Variants in CSN3 observed in about 807,000 individuals in gnomAD.
The protein encoded by CSN3 is casein kappa.
A neutral mutation model predicts 9.9 loss-of-function variants in CSN3; 7 were observed. That is an observed-to-expected ratio of 0.71 (90% CI 0.40 to 1.33). The LOEUF (loss-of-function observed/expected upper bound fraction) is 1.33, where lower values mean the gene tolerates loss of function less well. CSN3 is among the 40% of genes most tolerant of loss of function. The pLI is 0.01. For synonymous variants in CSN3, 88 were observed against 82.3 expected, an observed-to-expected ratio of 1.07 and a Z score of -0.37; for missense variants, 253 against 227.9, an observed-to-expected ratio of 1.11 and a Z score of -0.71.
intron 2 of CSN3, among the ~76,000 whole-genome samples, chr4:70,245,951 T>A (rs1481786536): frequency 1.3e-5 from 2 of 152,154 alleles, no homozygotes; most frequent in African/African-American, 4.8e-5. Context: ...CATGAAATGA[T>A]CTACAAATCC....
chr4:70,239,863 T>A (rs1730237155), upstream of CSN3, among the ~76,000 whole-genome samples: 1 of 152,034 alleles, frequency 6.6e-6, no homozygotes, highest in Non-Finnish European at 1.5e-5. Flanking sequence ...ATTTTTTCCA[T>A]GGTTTTTACA....
At chr4:70,248,756 T>C (rs1730426042) in intron 3 of CSN3, among the ~76,000 whole-genome samples, 1 of 151,862 alleles carries the variant, frequency 6.6e-6, no homozygotes, top group Non-Finnish European at 1.5e-5. Flanking sequence ...TAAACTCATC[T>C]AATTTCTTGA....
chr4:70,247,958 T>G, intron 3 of CSN3, 108 bp downstream of exon 3: 1 of 692,510 alleles, frequency 1.4e-6, no homozygotes, highest in East Asian at 3.1e-5. Flanking sequence ...ATATTTCATT[T>G]CCATAAAACA....
chr4:70,244,886 C>A lies in CSN3; in HGVS notation c.54+13C>A, dbSNP rs781069696. The A allele has an allele frequency of 1.3e-6, 2 of 1,543,770 alleles. No homozygotes were observed. The highest frequency in any genetic ancestry group is 1.3e-5 in the South Asian group (1 of 76,074). On this transcript the variant is annotated intron_variant, in intron 2 of 4. Coordinates refer to ENST00000304954, the Ensembl canonical transcript of CSN3. ...CCTGCCTTTTTTGGTAAGTTAATTTCATCTAACCAGATTGTACTGACTTTA... is the reference window on the plus strand; with the variant it reads ...CCTGCCTTTTTTGGTAAGTTAATTTAATCTAACCAGATTGTACTGACTTTA...
In CSN3 at chr4:70,243,118, A is replaced by T. The variant is rs76510380; in HGVS notation, c.-9+453A>T. ...TTTTTCAAATATTCATGAAAGCTGG[A>T]TAATTCTACCATTTCACGAATTATT... is the stretch of plus-strand genomic sequence containing the variant. On this transcript the variant is annotated intron_variant, in intron 1 of 4. Transcript: ENST00000304954. 1,632 of 765,892 alleles carry T rather than the reference A, an allele frequency of 2.1e-3. 22 individuals carry two copies. The African/African-American group carries it at 0.029, about 14-fold the overall frequency. 47.4% of individuals were successfully genotyped at this position (765,892 alleles called of 1,614,324 possible). A position where few individuals can be genotyped will look rare whatever the true frequency, so the allele number is the denominator to read the frequency against.
At chr4:70,249,931 G>A (rs1342181241) in intron 4 of CSN3, among the ~76,000 whole-genome samples, 2 of 152,158 alleles carry the variant, frequency 1.3e-5, no homozygotes, top group Non-Finnish European at 2.9e-5. Context: ...CACTCTCATT[G>A]TAGTATGAAC....
chr4:70,245,263 C>T (rs2109695530), intron 2 of CSN3, among the ~76,000 whole-genome samples: 1 of 152,204 alleles, frequency 6.6e-6, no homozygotes, highest in Non-Finnish European at 1.5e-5. Context: ...AATTAAGTTC[C>T]TGTCTCACCC....
Position 70,249,197 on chromosome 4 carries a change from G to A in CSN3, c.287G>A (p.Arg96Gln), listed in dbSNP as rs147449230. ...AGGCCACATGCCCAAATTCCTCAGC[G>A]GCAATACCTGCCAAATAGCCACCCA... Residue 96 changes from arginine to glutamine, a missense_variant, in exon 4 of 5, where the codon CGG becomes CAG. Physicochemically the swap from Arg to Gln is conservative, Grantham distance 43. Transcript: ENST00000304954. 1.7e-4 allele frequency: 269 copies of A among 1,613,840 alleles called. 1 individual carries two copies. In the African/African-American group the frequency reaches 2.7e-3, roughly 16 times the overall value.
At chr4:70,241,918 C>A (rs960490231), upstream of CSN3, among the ~76,000 whole-genome samples, 1 of 151,904 alleles carries the variant, frequency 6.6e-6, no homozygotes, top group Non-Finnish European at 1.5e-5. Flanking sequence ...ATGGGTTTGA[C>A]TTTTATAAGG....
At chr4:70,241,333 C>A (rs911054105), upstream of CSN3, among the ~76,000 whole-genome samples, 1 of 151,976 alleles carries the variant, frequency 6.6e-6, no homozygotes, top group Admixed American at 6.6e-5. Context: ...CAGAAAATTT[C>A]ATATTACTAT....
chr4:70,247,739 GA>G, intron 2 of CSN3, 78 bp from the exon 3 acceptor site: 7 of 1,212,478 alleles, frequency 5.8e-6, no homozygotes, highest in Non-Finnish European at 8.2e-6. Context: ...TAACACAAAA[GA>G]TTTTTTTAAC....
chr4:70,241,590 T>C (rs1730270893), upstream of CSN3, among the ~76,000 whole-genome samples: 3 of 152,070 alleles, frequency 2.0e-5, no homozygotes, highest in Admixed American at 6.6e-5. Context: ...AAAGAAAATA[T>C]GCTTTCCTGA....
exon 4 of CSN3, chr4:70,249,438 A>G (rs776633396): frequency 2.4e-5 from 38 of 1,613,346 alleles, no homozygotes; most frequent in Non-Finnish European, 3.1e-5. Context: ...CCACAGTTGC[A>G]GTTACTCCAC....
upstream of CSN3, among the ~76,000 whole-genome samples, chr4:70,242,012 C>T (rs1730280586): frequency 6.6e-6 from 1 of 151,860 alleles, no homozygotes; most frequent in Non-Finnish European, 1.5e-5. Context: ...AGAAGACCAA[C>T]CACAGTCAAT....
Position 70,244,797 on chromosome 4 carries a change from T to G in CSN3, c.-8-15T>G. On this transcript the variant is annotated splice_polypyrimidine_tract_variant and intron_variant, in intron 1 of 4. Transcript: ENST00000304954. ...AAATTCTTTTAAATTAATTTTTTTT[T>G]AAATTTATCTTTAGGTGCAATAATG... 7.0e-7 allele frequency: 1 copy of G among 1,437,936 alleles called. No individual in the cohort carries two copies. The highest frequency in any genetic ancestry group is 9.3e-7 in the Non-Finnish European group (1 of 1,069,828). The allele number at this position is 1,437,936 out of a possible 1,614,324, so 89.1% of individuals were successfully genotyped here. A position where few individuals can be genotyped will look rare whatever the true frequency, so the allele number is the denominator to read the frequency against.
At chr4:70,240,315 G>T (rs1361136606), upstream of CSN3, among the ~76,000 whole-genome samples, 1 of 151,958 alleles carries the variant, frequency 6.6e-6, no homozygotes, top group South Asian at 2.1e-4. Context: ...GTGTGTGAAT[G>T]GTGGTATGAA....
upstream of CSN3, among the ~76,000 whole-genome samples, chr4:70,239,616 C>A (rs1234439157): frequency 1.3e-5 from 2 of 151,918 alleles, no homozygotes; most frequent in Non-Finnish European, 2.9e-5. Flanking sequence ...CATCAAATGT[C>A]TCCTCACAAT....
intron 2 of CSN3, among the ~76,000 whole-genome samples, chr4:70,246,695 A>C (rs1317621957): frequency 1.5e-5 from 2 of 136,876 alleles, no homozygotes; most frequent in South Asian, 2.5e-4. Context: ...TTTTTGAGAC[A>C]GAGTCTCGCT....
exon 4 of CSN3, chr4:70,249,389 C>G: frequency 6.2e-7 from 1 of 1,614,078 alleles, no homozygotes. Flanking sequence ...ACTCCAGAAG[C>G]TTTTTCAGAG....
Sources: gnomAD v4.1 joint callset for allele counts (sites outside exome capture counted in the v4.1 genomes callset) on GRCh38, gnomAD v4.1.1 for gene constraint, MANE v1.5 for transcripts, NCBI Gene and HGNC (gene_info 2026-07-23, HGNC 2026-07-21) for gene names.